Variants in NUP155 observed in about 807,000 individuals in gnomAD.
The protein encoded by NUP155 is nucleoporin 155, also known as nuclear pore complex protein Nup155.
NUP155 carries 71 observed loss-of-function variants against 180.4 expected under a neutral mutation model. The ratio of observed to expected loss-of-function variants is 0.39; its 90% CI spans 0.33 to 0.48. The LOEUF is 0.48. Among genes scored for constraint, NUP155 ranks in the 20% least tolerant of loss-of-function variants. The pLI is 0.91. For synonymous variants in NUP155, 582 were observed against 559.5 expected, an observed-to-expected ratio of 1.04 and a Z score of -0.57; for missense variants, 1,553 against 1,648.9, an observed-to-expected ratio of 0.94 and a Z score of 1.01.
At chr5:37,302,970 G>T in intron 28 of NUP155, 62 bp from the exon 29 acceptor site, 3 of 1,514,102 alleles carry the variant, frequency 2.0e-6, no homozygotes, top group Non-Finnish European at 2.7e-6. Flanking sequence ...ATACAAATAC[G>T]TCAATTAGTA....
intron 1 of NUP155, among the ~76,000 whole-genome samples, chr5:37,367,728 G>T (rs944989781): frequency 6.6e-6 from 1 of 151,580 alleles, no homozygotes; most frequent in South Asian, 2.1e-4. Context: ...AGAGATGGGG[G>T]TTTCACCATG....
intron 1 of NUP155, among the ~76,000 whole-genome samples, chr5:37,366,370 C>T (rs756817177): frequency 6.6e-6 from 1 of 152,114 alleles, no homozygotes; most frequent in African/African-American, 2.4e-5. Context: ...ACTGATTATC[C>T]AACTTAATAA....
At chr5:37,304,680 A>C in intron 27 of NUP155, 59 bp downstream of exon 27, 1 of 1,201,424 alleles carries the variant, frequency 8.3e-7, no homozygotes, top group South Asian at 1.2e-5. Flanking sequence ...TATGTGCTTA[A>C]ATCATTGAGT....
chr5:37,300,307 T>C (rs192423445), intron 30 of NUP155, among the ~76,000 whole-genome samples: 105 of 152,340 alleles, frequency 6.9e-4, no homozygotes, highest in Non-Finnish European at 1.2e-3. Context: ...AATTACATTC[T>C]CTATTTTAAA....
chr5:37,313,339 G>C (rs1290279931), intron 22 of NUP155, among the ~76,000 whole-genome samples: 1 of 151,960 alleles, frequency 6.6e-6, no homozygotes, highest in Admixed American at 6.6e-5. Context: ...GCTGAGGCAG[G>C]AGAATTGCTA....
intron 33 of NUP155, among the ~76,000 whole-genome samples, chr5:37,293,992 C>T (rs1742371508): frequency 2.8e-5 from 1 of 35,674 alleles, no homozygotes; most frequent in South Asian, 8.8e-4. Flanking sequence ...GGCAACAGAG[C>T]GAGACGCCGT....
At chr5:37,301,585 T>TCATAAATAAA in intron 29 of NUP155, 35 bp from the exon 30 acceptor site, 4 of 1,243,926 alleles carry the variant, frequency 3.2e-6, no homozygotes, top group Non-Finnish European at 4.7e-6. Flanking sequence ...TCTTAATTTA[T>TCATAAATAAA]TTATGATAAA....
intron 5 of NUP155, among the ~76,000 whole-genome samples, chr5:37,352,377 A>C (rs968809656): frequency 6.6e-6 from 1 of 151,758 alleles, no homozygotes; most frequent in Non-Finnish European, 1.5e-5. Context: ...ACAAACAAAC[A>C]AAAAAACAAA....
At chr5:37,315,730 G>A (rs1743843270) in intron 21 of NUP155, among the ~76,000 whole-genome samples, 1 of 152,134 alleles carries the variant, frequency 6.6e-6, no homozygotes, top group East Asian at 1.9e-4. Context: ...ATCACCTGAG[G>A]TCAGGAGTTC....
intron 20 of NUP155, among the ~76,000 whole-genome samples, chr5:37,321,316 A>T (rs1328864390): frequency 6.6e-6 from 1 of 152,212 alleles, no homozygotes; most frequent in Non-Finnish European, 1.5e-5. Context: ...ACTGCATTGC[A>T]GCCTGGGCGA....
chr5:37,292,137 G>A lies in NUP155; in HGVS notation c.4038-99C>T, dbSNP rs216392. 0.2 allele frequency: 226,240 copies of A among 1,116,492 alleles called. 34,717 individuals carry two copies. Among genetic ancestry groups the A allele is most frequent in the African/African-American group, 0.76 (49,165 of 64,660 alleles). The allele number at this position is 1,116,492 out of a possible 1,614,324, so 69.2% of individuals were successfully genotyped here. ...CTTCTGGCAACTTTAATTCTCACAG[G>A]AGAGGAAAGACCATGTGATTAAGTA... On this transcript the variant is annotated intron_variant, in intron 34 of 34. Transcript: ENST00000231498.
chr5:37,299,630 G>C, intron 30 of NUP155, 62 bp from the exon 31 acceptor site: 1 of 1,499,252 alleles, frequency 6.7e-7, no homozygotes, highest in Non-Finnish European at 9.3e-7. Context: ...GATTAATAGT[G>C]AAGCACTCCT....
chr5:37,340,509 C>A (rs934665044), intron 11 of NUP155, among the ~76,000 whole-genome samples: 1 of 151,362 alleles, frequency 6.6e-6, no homozygotes. Flanking sequence ...TACAAAGCAA[C>A]GGTAATCAAG....
chr5:37,331,797 T>C lies in NUP155; in HGVS notation c.1519-2A>G, dbSNP rs762675382. On this transcript the variant is annotated splice_acceptor_variant, in intron 13 of 34. Transcript: ENST00000231498. LOFTEE classifies it high-confidence loss of function. ...AAGTTTATGAAACATAAGGCTCCCC[T>C]AAGAAATTTGAAGAAAGAACATGAA... is the stretch of plus-strand genomic sequence containing the variant. 2 of 1,586,398 alleles carry C rather than the reference T, an allele frequency of 1.3e-6. No homozygotes were observed. The highest frequency in any genetic ancestry group is 1.1e-5 in the South Asian group (1 of 90,606).
At chr5:37,323,016 C>T (rs564782259) in intron 20 of NUP155, among the ~76,000 whole-genome samples, 2 of 151,250 alleles carry the variant, frequency 1.3e-5, no homozygotes, top group South Asian at 2.1e-4. Flanking sequence ...GGCATGGTGG[C>T]TCACGCCTGT....
At chr5:37,354,535 T>G (rs1041494817) in intron 4 of NUP155, among the ~76,000 whole-genome samples, 1 of 150,764 alleles carries the variant, frequency 6.6e-6, no homozygotes, top group African/African-American at 2.4e-5. Flanking sequence ...CAAGGCTTAC[T>G]GCAGCCTTGT....
At position 37,310,513 on chromosome 5, in the gene NUP155, C is replaced by G. The variant is rs1743458163; in HGVS notation, c.2628+39G>C. The G allele has an allele frequency of 3.9e-6, 6 of 1,532,634 alleles. No individual in the cohort carries two copies. In the South Asian group the frequency reaches 6.7e-5, roughly 17 times the overall value. The allele number at this position is 1,532,634 out of a possible 1,614,324, so 94.9% of individuals were successfully genotyped here. On this transcript the variant is annotated intron_variant, in intron 23 of 34. Transcript: ENST00000231498. ...AGATGGTTCATCATACATGATACCT[C>G]TTATAACAAACAATGAAATAGGTAA... is the stretch of plus-strand genomic sequence containing the variant.
chr5:37,330,003 A>C (rs772664718), intron 15 of NUP155, 35 bp downstream of exon 15: 13 of 1,478,806 alleles, frequency 8.8e-6, no homozygotes, highest in Non-Finnish European at 1.2e-5. Flanking sequence ...CCCAGTAAAA[A>C]AACAAATAAA....
intron 4 of NUP155, among the ~76,000 whole-genome samples, chr5:37,357,399 CAA>C (rs397997409): frequency 7.7e-4 from 24 of 31,298 alleles, no homozygotes; most frequent in South Asian, 4.4e-3. Flanking sequence ...ACCTTAATCT[CAA>C]AAAAAAAAAA....
Sources: allele counts gnomAD v4.1 joint callset (sites outside exome capture counted in the v4.1 genomes callset), GRCh38; gene constraint gnomAD v4.1.1; transcripts MANE v1.5; gene names NCBI Gene and HGNC (gene_info 2026-07-23, HGNC 2026-07-21).